Variants in ADGRA3 observed in about 807,000 individuals in gnomAD.
The protein encoded by ADGRA3 is adhesion G protein-coupled receptor A3, also known as G-protein coupled receptor 125.
A neutral mutation model predicts 119.8 loss-of-function variants in ADGRA3; 56 were observed. That is an observed-to-expected ratio of 0.47 (90% confidence interval 0.38 to 0.58). The LOEUF is 0.58. Among genes scored for constraint, ADGRA3 ranks in the 20% least tolerant of loss-of-function variants. The pLI is 0.00. For synonymous variants in ADGRA3, 607 were observed against 623.8 expected (o/e 0.97, Z 0.40); for missense variants, 1,516 against 1,649.0 (o/e 0.92, Z 1.40).
chr4:22,497,668 A>G (rs917363879), intron 1 of ADGRA3, among the ~76,000 whole-genome samples: 3 of 151,672 alleles, frequency 2.0e-5, no homozygotes, highest in Admixed American at 1.3e-4. Flanking sequence ...CTAAAATCCA[A>G]AAAAATTGGC....
intron 14 of ADGRA3, among the ~76,000 whole-genome samples, chr4:22,408,409 A>G (rs1415224754): frequency 2.6e-5 from 4 of 152,160 alleles, no homozygotes; most frequent in African/African-American, 9.7e-5. Flanking sequence ...CAGGGAGCTC[A>G]TATTCAGTAC....
intron 2 of ADGRA3, among the ~76,000 whole-genome samples, chr4:22,472,852 T>C (rs1039560179): frequency 2.0e-5 from 3 of 152,242 alleles, no homozygotes; most frequent in African/African-American, 7.2e-5. Flanking sequence ...TGTAGCTCCC[T>C]TATGTATTGT....
At chr4:22,496,471 C>A (rs1718828989) in intron 1 of ADGRA3, among the ~76,000 whole-genome samples, 1 of 152,214 alleles carries the variant, frequency 6.6e-6, no homozygotes, top group South Asian at 2.1e-4. Context: ...AATGGATCAT[C>A]TGTCTTTTCT....
chr4:22,416,883 C>T (rs1243616557), intron 12 of ADGRA3, among the ~76,000 whole-genome samples: 1 of 151,992 alleles, frequency 6.6e-6, no homozygotes, highest in Non-Finnish European at 1.5e-5. Context: ...AGGTTAATTC[C>T]AATACTTTCA....
At chr4:22,426,593 A>C (rs1162142132) in intron 10 of ADGRA3, among the ~76,000 whole-genome samples, 1 of 152,246 alleles carries the variant, frequency 6.6e-6, no homozygotes, top group Non-Finnish European at 1.5e-5. Context: ...AAGAAAATGC[A>C]AAACAAGCAT....
intron 2 of ADGRA3, among the ~76,000 whole-genome samples, chr4:22,466,348 T>C (rs1356734940): frequency 6.6e-6 from 1 of 152,160 alleles, no homozygotes; most frequent in Non-Finnish European, 1.5e-5. Context: ...CGCATCTCAA[T>C]CTCCAACTCA....
chr4:22,434,010 A>G (rs1716292134), intron 10 of ADGRA3, among the ~76,000 whole-genome samples: 1 of 152,048 alleles, frequency 6.6e-6, no homozygotes. Context: ...GTTTATATAC[A>G]TGTATCTATT....
chr4:22,492,513 G>A (rs1718662961), intron 1 of ADGRA3, among the ~76,000 whole-genome samples: 1 of 152,150 alleles, frequency 6.6e-6, no homozygotes, highest in South Asian at 2.1e-4. Context: ...ACAAAATAAA[G>A]AGTCCTGCCC....
intron 14 of ADGRA3, among the ~76,000 whole-genome samples, chr4:22,405,208 A>C (rs754006429): frequency 6.6e-6 from 1 of 152,144 alleles, no homozygotes; most frequent in Non-Finnish European, 1.5e-5. Context: ...TTTAGTTCTC[A>C]AAATATACTC....
intron 14 of ADGRA3, among the ~76,000 whole-genome samples, chr4:22,404,420 G>A (rs13123910): frequency 0.12 from 18,443 of 152,052 alleles, 1,585 homozygotes; most frequent in East Asian, 0.34. Context: ...TCCTCACCTT[G>A]TCAAATGATG....
intron 14 of ADGRA3, among the ~76,000 whole-genome samples, chr4:22,407,868 CAATAAG>C (rs1715006722): frequency 6.6e-6 from 1 of 151,946 alleles, no homozygotes; most frequent in Admixed American, 6.6e-5. Context: ...ATCACTGTAT[CAATAAG>C]AATAATTAAA....
chr4:22,420,631 C>A, intron 12 of ADGRA3: 1 of 557,148 alleles, frequency 1.8e-6, no homozygotes, highest in East Asian at 2.9e-5. Flanking sequence ...TGCATTTATA[C>A]CACTGCAGTT....
chr4:22,476,981 T>A (rs1189860624), intron 1 of ADGRA3, among the ~76,000 whole-genome samples: 2 of 152,150 alleles, frequency 1.3e-5, no homozygotes, highest in East Asian at 3.9e-4. Context: ...TATCTTTTAT[T>A]CTTTATAATC....
chr4:22,505,227 G>A (rs1387706406), intron 1 of ADGRA3, among the ~76,000 whole-genome samples: 28 of 152,114 alleles, frequency 1.8e-4, no homozygotes, highest in Admixed American at 1.8e-3. Flanking sequence ...AAAAGGTTTT[G>A]TGCCCAGCAG....
At chr4:22,422,643 G>A (rs921788556) in intron 11 of ADGRA3, among the ~76,000 whole-genome samples, 18 of 152,258 alleles carry the variant, frequency 1.2e-4, no homozygotes, top group African/African-American at 3.9e-4. Flanking sequence ...ATACATAGAT[G>A]TATCATCTCC....
In ADGRA3 at chr4:22,433,573, C is replaced by T. The variant is rs559731237; in HGVS notation, c.1443+1738G>A. On this transcript the variant is annotated intron_variant, in intron 10 of 18. Transcript: ENST00000334304. Reference sequence around the variant, plus strand: ...GTCAACGCAGCCGACCACTCTTCCACAGGCTGGCAAACAGTTCAACATACA... The same window carrying T: ...GTCAACGCAGCCGACCACTCTTCCATAGGCTGGCAAACAGTTCAACATACA... 6.6e-5 allele frequency among the ~76,000 whole-genome samples: 10 copies of T among 152,284 alleles called. No homozygotes were observed. In the East Asian group the frequency reaches 9.7e-4, roughly 15 times the overall value.
intron 8 of ADGRA3, 59 bp downstream of exon 8, chr4:22,438,197 A>C (rs1408823481): frequency 6.9e-7 from 1 of 1,443,878 alleles, no homozygotes; most frequent in Non-Finnish European, 9.7e-7. Context: ...AATGTGTCTT[A>C]GACAACAGAA....
In ADGRA3 at chr4:22,447,421, G is replaced by GA. The variant is rs1716871200; in HGVS notation, c.545+18dup. On this transcript the variant is annotated intron_variant, in intron 5 of 18. Transcript: ENST00000334304. The stretch of plus-strand genomic sequence containing the variant: ...CATGAAAATCAAAAAAAAAAAGAGA[G>GA]AAAAAAATTCTTACTTACAAAGACC... The GA allele has an allele frequency of 1.4e-6, 2 of 1,399,734 alleles. No homozygotes were observed. Among genetic ancestry groups the GA allele is most frequent in the Non-Finnish European group, 1.9e-6 (2 of 1,033,514 alleles). 86.7% of individuals were successfully genotyped at this position (1,399,734 alleles called of 1,614,324 possible).
chr4:22,460,017 G>A (rs1433650773), intron 3 of ADGRA3, among the ~76,000 whole-genome samples: 1 of 152,106 alleles, frequency 6.6e-6, no homozygotes, highest in Admixed American at 6.6e-5. Flanking sequence ...TCTGATCAAA[G>A]AACTAAACTA....
Sources: gnomAD v4.1 joint callset for allele counts (sites outside exome capture counted in the v4.1 genomes callset) on GRCh38, gnomAD v4.1.1 for gene constraint, MANE v1.5 for transcripts, NCBI Gene and HGNC (gene_info 2026-07-23, HGNC 2026-07-21) for gene names.